DSCAM: variants seen among roughly 807,000 people sequenced by gnomAD.
The protein encoded by DSCAM is cell adhesion molecule DSCAM.
In DSCAM, 47 loss-of-function variants were observed where a neutral mutation model predicts 217.7. That is an observed-to-expected ratio of 0.22 (90% CI 0.17 to 0.28). DSCAM has a LOEUF of 0.28. Among genes scored for constraint, DSCAM ranks in the 10% least tolerant of loss-of-function variants. The pLI is 1.00. For synonymous variants in DSCAM, 1,056 were observed against 1,015.3 expected (o/e 1.04, Z -0.76); for missense variants, 2,080 against 2,618.3 (o/e 0.79, Z 4.49).
chr21:40,791,295 G>C (rs963054761), intron 1 of DSCAM, among the ~76,000 whole-genome samples: 1 of 151,826 alleles, frequency 6.6e-6, no homozygotes, highest in Non-Finnish European at 1.5e-5. Flanking sequence ...CTCTAATAAA[G>C]CGTGCAACAC....
intron 3 of DSCAM, among the ~76,000 whole-genome samples, chr21:40,477,052 A>G (rs2075942919): frequency 6.6e-6 from 1 of 152,194 alleles, no homozygotes; most frequent in South Asian, 2.1e-4. Flanking sequence ...AAAGTTATAT[A>G]ACTTCCTAAA....
At chr21:40,202,556 C>T (rs753580986) in intron 11 of DSCAM, among the ~76,000 whole-genome samples, 2 of 152,174 alleles carry the variant, frequency 1.3e-5, no homozygotes, top group Non-Finnish European at 2.9e-5. Context: ...ATAATTACAG[C>T]ACCCCCTCCT....
At chr21:40,593,289 T>A (rs1185389919) in intron 3 of DSCAM, among the ~76,000 whole-genome samples, 1 of 151,920 alleles carries the variant, frequency 6.6e-6, no homozygotes, top group Non-Finnish European at 1.5e-5. Flanking sequence ...ACTATCAGCA[T>A]TCCAATCCTT....
intron 11 of DSCAM, among the ~76,000 whole-genome samples, chr21:40,260,237 GTAGCCAAACGGA>G (rs2073431973): frequency 6.6e-6 from 1 of 152,172 alleles, no homozygotes; most frequent in Admixed American, 6.5e-5. Flanking sequence ...CTTACAATCA[GTAGCCAAACGGA>G]TAGCCACAAA....
chr21:40,654,474 C>T (rs2090051040), intron 3 of DSCAM, among the ~76,000 whole-genome samples: 1 of 152,218 alleles, frequency 6.6e-6, no homozygotes, highest in Admixed American at 6.5e-5. Flanking sequence ...CAAATCACTG[C>T]AAACCTGGTG....
At chr21:40,768,557 G>A (rs1388430507) in intron 1 of DSCAM, among the ~76,000 whole-genome samples, 1 of 152,186 alleles carries the variant, frequency 6.6e-6, no homozygotes, top group Non-Finnish European at 1.5e-5. Context: ...CTAATATTTT[G>A]GGTATAATGA....
At chr21:40,065,975 C>A (rs561821643) in intron 27 of DSCAM, among the ~76,000 whole-genome samples, 1 of 152,344 alleles carries the variant, frequency 6.6e-6, no homozygotes, top group African/African-American at 2.4e-5. Flanking sequence ...CTCTGAGTTT[C>A]CTGCACTTGC....
chr21:40,205,744 C>T (rs1471546673), intron 11 of DSCAM, among the ~76,000 whole-genome samples: 1 of 152,058 alleles, frequency 6.6e-6, no homozygotes, highest in Non-Finnish European at 1.5e-5. Flanking sequence ...CAATTCTTTG[C>T]CTCGGTGAAT....
intron 1 of DSCAM, among the ~76,000 whole-genome samples, chr21:40,738,164 A>G (rs1050879150): frequency 2.0e-5 from 3 of 152,234 alleles, no homozygotes; most frequent in African/African-American, 7.2e-5. Flanking sequence ...GATATTTTAC[A>G]TCAGAAGAAC....
chr21:40,195,978 G>A lies in DSCAM; in HGVS notation c.2357-6740C>T, dbSNP rs1476046624. ...GTTTTCTTTGTTATCAAGATTTACT[G>A]AATACATTTTTTTTATTATTCTATT... is the stretch of plus-strand genomic sequence containing the variant. On this transcript the variant is annotated intron_variant, in intron 11 of 32. Transcript: ENST00000400454. Among the ~76,000 whole-genome samples, 4 of 152,142 alleles carry A rather than the reference G, an allele frequency of 2.6e-5. No individual in the cohort carries two copies. The East Asian group carries it at 7.7e-4, about 29-fold the overall frequency.
At chr21:40,337,593 G>C (rs535634657) in intron 8 of DSCAM, among the ~76,000 whole-genome samples, 2 of 152,224 alleles carry the variant, frequency 1.3e-5, no homozygotes, top group East Asian at 3.9e-4. Context: ...ATGATGCAAA[G>C]AATAATTTAA....
At chr21:40,238,815 C>T (rs58861447) in intron 11 of DSCAM, among the ~76,000 whole-genome samples, 1,982 of 152,228 alleles carry the variant, frequency 0.013, 53 homozygotes, top group African/African-American at 0.046. Flanking sequence ...AAAGACTTTC[C>T]GTAATTTTCT....
In DSCAM at chr21:40,353,689, A is replaced by C; in HGVS notation, c.710T>G (p.Met237Arg). ...ILDGFDHRKA[M>R]AGQRVELPCK... is the part of the protein sequence containing the mutation. ...AGGCAGCTCCACACGCTGCCCAGCC[A>C]TGGCTTTGCGATGGTCAAACCCATC... The change falls in exon 5 of 33, where the codon ATG (methionine) becomes AGG (arginine). Residue 237 changes from methionine to arginine, a missense_variant. By Grantham distance (91) the Met-to-Arg change is moderately conservative. Transcript: ENST00000400454. The C allele has an allele frequency of 1.2e-6, 2 of 1,606,998 alleles. No homozygotes were observed. The highest frequency in any genetic ancestry group is 1.7e-6 in the Non-Finnish European group (2 of 1,178,190).
At chr21:40,069,000 G>A (rs141871903) in intron 27 of DSCAM, among the ~76,000 whole-genome samples, 35 of 151,756 alleles carry the variant, frequency 2.3e-4, no homozygotes, top group African/African-American at 7.3e-4. Context: ...CAGGAGAGTC[G>A]CTTGAACCCA....
chr21:40,283,689 A>AC (rs745572756), intron 10 of DSCAM, among the ~76,000 whole-genome samples: 17 of 152,366 alleles, frequency 1.1e-4, no homozygotes, highest in Non-Finnish European at 2.2e-4. Flanking sequence ...CCTTACAGCA[A>AC]GTGGCTTATT....
chr21:40,087,109 G>C, intron 22 of DSCAM, 61 bp downstream of exon 22: 1 of 1,257,078 alleles, frequency 8.0e-7, no homozygotes, highest in East Asian at 2.3e-5. Flanking sequence ...GACACAACCT[G>C]AGTATGTCAG....
At chr21:40,781,512 G>C (rs2091544195) in intron 1 of DSCAM, among the ~76,000 whole-genome samples, 1 of 152,156 alleles carries the variant, frequency 6.6e-6, no homozygotes, top group Non-Finnish European at 1.5e-5. Flanking sequence ...CACGTAGCTT[G>C]ATAATGCAGT....
intron 19 of DSCAM, among the ~76,000 whole-genome samples, chr21:40,124,885 C>T (rs538669088): frequency 5.3e-5 from 8 of 152,246 alleles, no homozygotes; most frequent in African/African-American, 1.9e-4. Flanking sequence ...GGGAGTCTTC[C>T]CAACCCATTT....
intron 1 of DSCAM, among the ~76,000 whole-genome samples, chr21:40,762,368 T>C (rs2091344684): frequency 6.6e-6 from 1 of 152,052 alleles, no homozygotes; most frequent in African/African-American, 2.4e-5. Flanking sequence ...CTAGAAGAAA[T>C]GGACAAATTC....
Sources: gnomAD v4.1 joint callset for allele counts (sites outside exome capture counted in the v4.1 genomes callset) on GRCh38, gnomAD v4.1.1 for gene constraint, MANE v1.5 for transcripts, NCBI Gene and HGNC (gene_info 2026-07-23, HGNC 2026-07-21) for gene names.